RAB38: variants seen among roughly 807,000 people sequenced by gnomAD.
The protein encoded by RAB38 is ras-related protein Rab-38.
RAB38 carries 15 observed loss-of-function variants against 18.4 expected under a neutral mutation model. That is an observed-to-expected ratio of 0.82 (90% CI 0.55 to 1.26). The LOEUF (loss-of-function observed/expected upper bound fraction) is 1.26, where lower values mean the gene tolerates loss of function less well. Among genes scored for constraint, RAB38 ranks in the 50% most tolerant of loss-of-function variants. RAB38 has a pLI of 0.00. For synonymous variants in RAB38, 101 were observed against 104.4 expected (o/e 0.97, Z 0.20); for missense variants, 294 against 267.4 (o/e 1.10, Z -0.69).
the RAB38 span, among the ~76,000 whole-genome samples, chr11:87,818,631 G>C: frequency 6.6e-6 from 1 of 152,094 alleles, no homozygotes; most frequent in Admixed American, 6.6e-5. Flanking sequence ...GGGTCAGATA[G>C]ACTTGAATGA....
At chr11:87,884,163 G>T in the RAB38 span, among the ~76,000 whole-genome samples, 1 of 151,896 alleles carries the variant, frequency 6.6e-6, no homozygotes, top group Non-Finnish European at 1.5e-5. Flanking sequence ...TTAGATACCT[G>T]TAGGTCACCT....
intron 2 of RAB38, among the ~76,000 whole-genome samples, chr11:88,131,439 G>A (rs1942766789): frequency 6.6e-6 from 1 of 152,118 alleles, no homozygotes; most frequent in South Asian, 2.1e-4. Flanking sequence ...ACAGAATGCT[G>A]ATTTTTGCAT....
chr11:88,109,172 T>A (rs566159789), downstream of RAB38, among the ~76,000 whole-genome samples: 9 of 152,232 alleles, frequency 5.9e-5, no homozygotes, highest in African/African-American at 2.2e-4. Flanking sequence ...AGCATGGTAC[T>A]GGTACCAAAA....
intron 1 of RAB38, chr11:88,174,181 A>G (rs1943347071): frequency 1.3e-6 from 1 of 791,514 alleles, no homozygotes; most frequent in East Asian, 1.3e-4. Flanking sequence ...ACTGAGCTGA[A>G]GAGACTTGTC....
At chr11:88,056,845 A>C in the RAB38 span, among the ~76,000 whole-genome samples, 1 of 43,964 alleles carries the variant, frequency 2.3e-5, no homozygotes, top group East Asian at 5.5e-4. Context: ...ACATACATAC[A>C]TACATACATA....
chr11:87,969,142 A>G, the RAB38 span, among the ~76,000 whole-genome samples: 3 of 152,274 alleles, frequency 2.0e-5, no homozygotes, highest in South Asian at 6.2e-4. Context: ...AAGAAGATAA[A>G]AAGTTACATT....
the RAB38 span, among the ~76,000 whole-genome samples, chr11:88,044,633 C>T: frequency 0.079 from 12,039 of 152,130 alleles, 513 homozygotes; most frequent in Middle Eastern, 0.13. Flanking sequence ...AATGGGCAAA[C>T]GGTCTGAGGT....
the RAB38 span, among the ~76,000 whole-genome samples, chr11:87,931,593 C>T: frequency 6.6e-6 from 1 of 152,098 alleles, no homozygotes; most frequent in Non-Finnish European, 1.5e-5. Context: ...GAACACCAGG[C>T]ACACTGGCAT....
At chr11:87,924,041 A>G in the RAB38 span, among the ~76,000 whole-genome samples, 1 of 151,842 alleles carries the variant, frequency 6.6e-6, no homozygotes. Context: ...AGACACACAC[A>G]CACACACACA....
In RAB38 at chr11:88,113,965, C is replaced by CCAGA. The variant is rs773862710; in HGVS notation, c.*19_*22dup. The CCAGA allele has an allele frequency of 6.2e-7, 1 of 1,613,626 alleles. No homozygotes were observed. The highest frequency in any genetic ancestry group is 8.5e-7 in the Non-Finnish European group (1 of 1,179,598). Reference sequence around the variant, plus strand: ...TTGTGGAACAATGAGGTCATTCCTACCAGACACCAGCAAAGGTGCCTACTA... The same window carrying CCAGA: ...TTGTGGAACAATGAGGTCATTCCTACCAGACAGACACCAGCAAAGGTGCCTACTA... On this transcript the variant is annotated 3_prime_UTR_variant, in exon 3 of 3. Transcript: ENST00000243662.
At chr11:87,963,335 G>A in the RAB38 span, among the ~76,000 whole-genome samples, 1 of 152,104 alleles carries the variant, frequency 6.6e-6, no homozygotes, top group African/African-American at 2.4e-5. Flanking sequence ...TGGTACACAA[G>A]TGATTAAGAA....
Position 88,113,846 on chromosome 11 carries a change from C to G in RAB38, c.*142G>C, listed in dbSNP as rs1942508334. On this transcript the variant is annotated 3_prime_UTR_variant, in exon 3 of 3. Coordinates refer to ENST00000243662, the MANE Select transcript of RAB38 (RefSeq NM_022337.3). ...TAGAAAGAACATTTGCTATTTCTCT[C>G]TCACTGAAAAAACAGAGGCATAGAT... 1.1e-6 allele frequency: 1 copy of G among 924,062 alleles called. No individual in the cohort carries two copies. Among genetic ancestry groups the G allele is most frequent in the Non-Finnish European group, 1.6e-6 (1 of 606,196 alleles). The allele number at this position is 924,062 out of a possible 1,614,324, so 57.2% of individuals were successfully genotyped here.
chr11:88,027,647 C>A, the RAB38 span, among the ~76,000 whole-genome samples: 1 of 150,854 alleles, frequency 6.6e-6, no homozygotes, highest in Non-Finnish European at 1.5e-5. Context: ...GATCAAACTG[C>A]AAGGCGGCAG....
At chr11:88,132,899 C>T (rs960707362) in intron 2 of RAB38, among the ~76,000 whole-genome samples, 24 of 152,142 alleles carry the variant, frequency 1.6e-4, no homozygotes, top group African/African-American at 5.5e-4. Context: ...TTTAAATGCA[C>T]AAGATTTCAT....
chr11:87,968,914 G>T, the RAB38 span, among the ~76,000 whole-genome samples: 2 of 152,062 alleles, frequency 1.3e-5, no homozygotes, highest in African/African-American at 4.8e-5. Context: ...GAGGATGGGG[G>T]GCAGGTGAGG....
downstream of RAB38, among the ~76,000 whole-genome samples, chr11:88,113,007 G>A (rs941508649): frequency 6.6e-6 from 1 of 151,918 alleles, no homozygotes; most frequent in Admixed American, 6.6e-5. Flanking sequence ...ATATTCCTCT[G>A]ATTAACTAAA....
chr11:87,820,203 G>A, the RAB38 span, among the ~76,000 whole-genome samples: 21 of 152,164 alleles, frequency 1.4e-4, no homozygotes, highest in African/African-American at 4.8e-4. Context: ...CTTGCATTTC[G>A]GTTTTCATGG....
the RAB38 span, among the ~76,000 whole-genome samples, chr11:87,920,579 G>A: frequency 3.0e-4 from 45 of 152,096 alleles, no homozygotes; most frequent in African/African-American, 1.0e-3. Context: ...CTGGAGAATC[G>A]TTTGTGTGCA....
At chr11:88,109,006 G>A (rs529746445), downstream of RAB38, among the ~76,000 whole-genome samples, 3 of 152,234 alleles carry the variant, frequency 2.0e-5, no homozygotes, top group African/African-American at 4.8e-5. Flanking sequence ...AGGGAGATGC[G>A]CTGTTAGTCT....
Sources: gnomAD v4.1 joint callset for allele counts (sites outside exome capture counted in the v4.1 genomes callset) on GRCh38, gnomAD v4.1.1 for gene constraint, MANE v1.5 for transcripts, NCBI Gene and HGNC (gene_info 2026-07-23, HGNC 2026-07-21) for gene names.